Variants in MAGI1 observed in about 807,000 individuals in gnomAD.
The protein encoded by MAGI1 is membrane associated guanylate kinase, WW and PDZ domain containing 1.
Under a neutral mutation model 139.9 loss-of-function variants are expected in MAGI1, and 58 were observed. That is an observed-to-expected ratio of 0.41 (90% confidence interval 0.34 to 0.52). MAGI1 has a LOEUF of 0.52. Among genes scored for constraint, MAGI1 ranks in the 20% least tolerant of loss-of-function variants. The probability of loss-of-function intolerance (pLI) is 0.12; values close to 1 mark genes in which losing one functional copy is unlikely to be tolerated. For missense variants in MAGI1, 1,874 were observed against 1,901.6 expected (o/e 0.99, Z 0.27); for synonymous variants, 812 against 737.9 (o/e 1.10, Z -1.63).
intron 12 of MAGI1, among the ~76,000 whole-genome samples, chr3:65,402,455 G>A (rs571957051): frequency 1.3e-5 from 2 of 152,214 alleles, no homozygotes; most frequent in South Asian, 4.2e-4. Context: ...AAAATAAAGC[G>A]TACACTGGTG....
intron 6 of MAGI1, among the ~76,000 whole-genome samples, chr3:65,450,577 C>T (rs924208025): frequency 6.6e-6 from 1 of 152,058 alleles, no homozygotes; most frequent in African/African-American, 2.4e-5. Context: ...GGTTTTAATA[C>T]GACTAAGTCG....
intron 14 of MAGI1, among the ~76,000 whole-genome samples, chr3:65,384,328 T>C (rs1943277101): frequency 6.6e-6 from 1 of 152,254 alleles, no homozygotes; most frequent in South Asian, 2.1e-4. Context: ...TGGTTTTAGC[T>C]GTGATGAATA....
intron 1 of MAGI1, among the ~76,000 whole-genome samples, chr3:65,890,669 T>C (rs531445430): frequency 6.6e-6 from 1 of 152,142 alleles, no homozygotes; most frequent in East Asian, 1.9e-4. Context: ...GTTGAACAAG[T>C]CACAAAATAT....
At chr3:65,708,390 C>T (rs1576825801) in intron 1 of MAGI1, among the ~76,000 whole-genome samples, 1 of 152,318 alleles carries the variant, frequency 6.6e-6, no homozygotes, top group Admixed American at 6.5e-5. Context: ...ACAGAACAGG[C>T]TCAGAGGAGC....
chr3:66,037,427 T>C (rs897793518), intron 1 of MAGI1, among the ~76,000 whole-genome samples: 1 of 152,040 alleles, frequency 6.6e-6, no homozygotes, highest in Non-Finnish European at 1.5e-5. Context: ...TGGAGACACA[T>C]GCGTCATCCG....
intron 1 of MAGI1, among the ~76,000 whole-genome samples, chr3:65,657,481 G>A (rs975341121): frequency 4.0e-5 from 6 of 151,746 alleles, no homozygotes; most frequent in Admixed American, 1.3e-4. Flanking sequence ...TAAGAGGAGT[G>A]GGGGAAGTGT....
At position 65,816,046 on chromosome 3, in the gene MAGI1, T is replaced by C. The variant is rs944498740; in HGVS notation, c.314-193958A>G. On this transcript the variant is annotated intron_variant, in intron 1 of 22. Coordinates refer to ENST00000402939, the MANE Select transcript of MAGI1 (RefSeq NM_001033057.2). ...TGTCTACAATGGTAGTTGTGAAAGTTGGCAGCTGATTGGAATCACTGAGGG... is the reference window on the plus strand; with the variant it reads ...TGTCTACAATGGTAGTTGTGAAAGTCGGCAGCTGATTGGAATCACTGAGGG... Among the ~76,000 whole-genome samples, 7 of 152,182 alleles carry C rather than the reference T, an allele frequency of 4.6e-5. 1 individual carries two copies. Among genetic ancestry groups the C allele is most frequent in the Admixed American group, 2.0e-4 (3 of 15,276 alleles).
Position 65,812,456 on chromosome 3 carries a change from T to TCACACA in MAGI1, c.314-190369_314-190368insTGTGTG, listed in dbSNP as rs1347889249. Among the ~76,000 whole-genome samples the TCACACA allele has an allele frequency of 1.6e-3, 174 of 106,800 alleles. 1 individual carries two copies. The highest frequency in any genetic ancestry group is 6.8e-3 in the African/African-American group (170 of 24,922). 70.1% of individuals were successfully genotyped at this position (106,800 alleles called of 152,430 possible). A position where few individuals can be genotyped will look rare whatever the true frequency, so the allele number is the denominator to read the frequency against. ...ATCTCTCTCTCTCTTTCTCTCTCTC[T>TCACACA]CTCTCTCTCTCTCACACACACACAC... On this transcript the variant is annotated intron_variant, in intron 1 of 22. Transcript: ENST00000402939.
At chr3:65,563,120 G>C (rs887415823) in intron 2 of MAGI1, among the ~76,000 whole-genome samples, 4 of 152,078 alleles carry the variant, frequency 2.6e-5, no homozygotes, top group Non-Finnish European at 5.9e-5. Context: ...CAATTTTTAA[G>C]CAAGAGAACT....
chr3:66,035,368 C>T (rs1488124066), intron 1 of MAGI1, among the ~76,000 whole-genome samples: 2 of 152,162 alleles, frequency 1.3e-5, no homozygotes, highest in Non-Finnish European at 2.9e-5. Flanking sequence ...GCAAACAACA[C>T]AAAAGTAGTA....
chr3:65,418,481 T>A (rs1440009702), intron 12 of MAGI1, among the ~76,000 whole-genome samples: 1 of 152,198 alleles, frequency 6.6e-6, no homozygotes, highest in Non-Finnish European at 1.5e-5. Flanking sequence ...TGATCAAATC[T>A]AGTTCCATCT....
chr3:65,764,094 A>C lies in MAGI1; in HGVS notation c.314-142006T>G, dbSNP rs2037273818. 2.0e-5 allele frequency among the ~76,000 whole-genome samples: 3 copies of C among 151,418 alleles called. No individual in the cohort carries two copies. The South Asian group carries it at 6.3e-4, about 32-fold the overall frequency. On this transcript the variant is annotated intron_variant, in intron 1 of 22. Coordinates refer to ENST00000402939, the MANE Select transcript of MAGI1 (RefSeq NM_001033057.2). ...CTCAAAAGAAAAAAAGAAAAAAAAA[A>C]AAAAAACCTTGTTGTTCAAAAGAAT... is the stretch of plus-strand genomic sequence containing the variant.
intron 1 of MAGI1, among the ~76,000 whole-genome samples, chr3:65,937,102 C>G (rs1173235786): frequency 6.6e-6 from 1 of 152,092 alleles, no homozygotes; most frequent in Non-Finnish European, 1.5e-5. Flanking sequence ...CTACACCACA[C>G]CCACTGTCCC....
Position 65,470,523 on chromosome 3 carries a change from G to A in MAGI1, c.758-39C>T, listed in dbSNP as rs74962290. ...TGAAGAGGTGAGAGAGAGAGAGAGAGAAAAAAAAAAAATGGTATTCAGCAA... is the reference window on the plus strand; with the variant it reads ...TGAAGAGGTGAGAGAGAGAGAGAGAAAAAAAAAAAAAATGGTATTCAGCAA... On this transcript the variant is annotated intron_variant, in intron 4 of 22. Coordinates refer to ENST00000402939, the MANE Select transcript of MAGI1 (RefSeq NM_001033057.2). 6.8e-3 allele frequency: 6,236 copies of A among 920,260 alleles called. 16 individuals are homozygous for A. The highest frequency in any genetic ancestry group is 0.016 in the African/African-American group (892 of 57,146). The allele number at this position is 920,260 out of a possible 1,614,324, so 57.0% of individuals were successfully genotyped here.
chr3:65,900,300 C>T (rs545776483), intron 1 of MAGI1, among the ~76,000 whole-genome samples: 2 of 152,292 alleles, frequency 1.3e-5, no homozygotes, highest in Non-Finnish European at 2.9e-5. Context: ...ACATCACTAA[C>T]CAACCTTCAA....
intron 1 of MAGI1, among the ~76,000 whole-genome samples, chr3:66,032,914 C>CAAAAA (rs58736926): frequency 1.8e-5 from 2 of 110,296 alleles, no homozygotes. Context: ...AACTCCATCT[C>CAAAAA]AAAAAAAAAA....
chr3:65,786,059 G>C (rs1471766656), intron 1 of MAGI1, among the ~76,000 whole-genome samples: 1 of 151,488 alleles, frequency 6.6e-6, no homozygotes, highest in Non-Finnish European at 1.5e-5. Flanking sequence ...GGATTCAAGT[G>C]ATTCTCCTGC....
At chr3:65,912,095 T>C (rs1173576253) in intron 1 of MAGI1, among the ~76,000 whole-genome samples, 1 of 152,192 alleles carries the variant, frequency 6.6e-6, no homozygotes, top group Non-Finnish European at 1.5e-5. Context: ...ATCTTAGACA[T>C]ATTTATTTTG....
chr3:65,797,199 A>C (rs2040202774), intron 1 of MAGI1, among the ~76,000 whole-genome samples: 1 of 152,200 alleles, frequency 6.6e-6, no homozygotes, highest in Non-Finnish European at 1.5e-5. Flanking sequence ...AGACAATGTA[A>C]GCCATTATCC....
Sources: gnomAD v4.1 joint callset for allele counts (sites outside exome capture counted in the v4.1 genomes callset) on GRCh38, gnomAD v4.1.1 for gene constraint, MANE v1.5 for transcripts, NCBI Gene and HGNC (gene_info 2026-07-23, HGNC 2026-07-21) for gene names.